Variants in STK32B observed in about 807,000 individuals in gnomAD.
The protein encoded by STK32B is serine/threonine kinase 32B.
STK32B carries 43 observed loss-of-function variants against 52.6 expected under a neutral mutation model. That is an observed-to-expected ratio of 0.82 (90% CI 0.64 to 1.05). The LOEUF (loss-of-function observed/expected upper bound fraction) is 1.05, where lower values mean the gene tolerates loss of function less well. STK32B is among the 50% of genes least tolerant of loss of function. The pLI, the probability that STK32B is intolerant of heterozygous loss-of-function variation, is 0.00. For missense variants in STK32B, 621 were observed against 534.6 expected, an observed-to-expected ratio of 1.16 and a Z score of -1.59; for synonymous variants, 238 against 204.3, an observed-to-expected ratio of 1.17 and a Z score of -1.41.
intron 3 of STK32B, among the ~76,000 whole-genome samples, chr4:5,198,802 A>G (rs1444719151): frequency 1.3e-5 from 2 of 152,166 alleles, no homozygotes; most frequent in East Asian, 1.9e-4. Flanking sequence ...TTGTGTCCTC[A>G]TGTCACATTT....
chr4:5,295,183 T>C (rs755221267), intron 3 of STK32B, among the ~76,000 whole-genome samples: 1 of 152,216 alleles, frequency 6.6e-6, no homozygotes, highest in African/African-American at 2.4e-5. Flanking sequence ...TGCCAGTATT[T>C]TATTGAGGAT....
rs754086794 is a variant in STK32B, at chr4:5,394,071, G to A, written c.435-4136G>A. 1.7e-4 allele frequency among the ~76,000 whole-genome samples: 26 copies of A among 152,226 alleles called. No homozygotes were observed. Among genetic ancestry groups the A allele is most frequent in the Non-Finnish European group, 3.4e-4 (23 of 68,034 alleles). On this transcript the variant is annotated intron_variant, in intron 4 of 11. Coordinates refer to ENST00000282908, the MANE Select transcript of STK32B (RefSeq NM_018401.3). The surrounding 1 kb of genome is among the most constrained non-coding windows in gnomAD (Gnocchi z 4.2). ...AGAAGCCCCCTGCCAAAAGACACAT[G>A]CAGAAACATCCTGGTGGCCCTGCTT...
intron 1 of STK32B, among the ~76,000 whole-genome samples, chr4:5,073,280 C>G (rs1391559415): frequency 6.6e-6 from 1 of 151,816 alleles, no homozygotes; most frequent in Non-Finnish European, 1.5e-5. Context: ...TTTAAAAATT[C>G]TATCACAACT....
intron 1 of STK32B, among the ~76,000 whole-genome samples, chr4:5,124,120 C>T (rs1372650038): frequency 2.0e-5 from 3 of 152,280 alleles, no homozygotes; most frequent in African/African-American, 7.2e-5. Flanking sequence ...TGTCAGCATC[C>T]TCCCAGTTTG....
chr4:5,128,590 G>A (rs62290469), intron 1 of STK32B, among the ~76,000 whole-genome samples: 1 of 152,328 alleles, frequency 6.6e-6, no homozygotes, highest in East Asian at 1.9e-4. Context: ...CAACTAGAAA[G>A]CAAAGCAGTT....
intron 3 of STK32B, among the ~76,000 whole-genome samples, chr4:5,221,460 G>A (rs1723533775): frequency 6.6e-6 from 1 of 152,150 alleles, no homozygotes; most frequent in African/African-American, 2.4e-5. Flanking sequence ...TGTTTGCTGG[G>A]ATGGATAATA....
intron 11 of STK32B, among the ~76,000 whole-genome samples, chr4:5,480,570 G>A (rs571619895): frequency 2.0e-5 from 3 of 152,148 alleles, no homozygotes; most frequent in Non-Finnish European, 2.9e-5. Context: ...AAAGGATTGT[G>A]GAGACCACGT....
In STK32B at chr4:5,335,622, A is replaced by G. The variant is rs975564884; in HGVS notation, c.434+4229A>G. ...CTTTCTCTTGTGGGCATTTAGTGCT[A>G]TAAATTTCCCTCTACGCACTGCTTT... On this transcript the variant is annotated intron_variant, in intron 4 of 11. Coordinates refer to ENST00000282908, the MANE Select transcript of STK32B (RefSeq NM_018401.3). Among the ~76,000 whole-genome samples, 9 of 152,054 alleles carry G rather than the reference A, an allele frequency of 5.9e-5. 1 individual carries two copies. The highest frequency in any genetic ancestry group is 8.8e-5 in the Non-Finnish European group (6 of 67,968).
At chr4:5,317,035 AAT>A (rs1553871429) in intron 3 of STK32B, among the ~76,000 whole-genome samples, 1 of 24,276 alleles carries the variant, frequency 4.1e-5, no homozygotes, top group Non-Finnish European at 5.9e-5. Context: ...TATATGATAT[AAT>A]ATATTATATA....
At chr4:5,462,041 G>A (rs1055678972) in intron 9 of STK32B, among the ~76,000 whole-genome samples, 1 of 152,124 alleles carries the variant, frequency 6.6e-6, no homozygotes, top group Non-Finnish European at 1.5e-5. Flanking sequence ...TTATTTTAGG[G>A]TTTCACTTGG....
intron 3 of STK32B, among the ~76,000 whole-genome samples, chr4:5,249,487 CT>C (rs1255080793): frequency 7.0e-5 from 10 of 142,108 alleles, no homozygotes; most frequent in South Asian, 4.4e-4. Context: ...TCCTTCCTTC[CT>C]TCCTTCCTTC....
intron 4 of STK32B, among the ~76,000 whole-genome samples, chr4:5,354,548 G>A (rs768783304): frequency 3.9e-5 from 6 of 152,328 alleles, no homozygotes; most frequent in Admixed American, 6.5e-5. Flanking sequence ...TTACAGGCGT[G>A]ACCACCACGC....
At chr4:5,166,678 AG>A (rs909053028) in intron 2 of STK32B, among the ~76,000 whole-genome samples, 2 of 151,810 alleles carry the variant, frequency 1.3e-5, no homozygotes, top group South Asian at 2.1e-4. Flanking sequence ...GAGCCTTCAG[AG>A]GGGGCAGGAC....
At chr4:5,188,876 T>C (rs1247404791) in intron 3 of STK32B, among the ~76,000 whole-genome samples, 1 of 92,944 alleles carries the variant, frequency 1.1e-5, no homozygotes, top group African/African-American at 4.3e-5. Context: ...GGTGGGGGGC[T>C]GGGGGAGGAA....
At chr4:5,464,115 G>C (rs763671300) in intron 9 of STK32B, among the ~76,000 whole-genome samples, 18 of 152,074 alleles carry the variant, frequency 1.2e-4, no homozygotes, top group Non-Finnish European at 2.2e-4. Flanking sequence ...GTGGGGGTGG[G>C]GGGTGCCACA....
intron 1 of STK32B, among the ~76,000 whole-genome samples, chr4:5,098,393 G>T (rs1190412159): frequency 2.0e-5 from 3 of 152,214 alleles, no homozygotes; most frequent in Non-Finnish European, 4.4e-5. Flanking sequence ...GGCTGAGATT[G>T]AAAGTTATTT....
At chr4:5,414,852 T>C (rs1712020918) in intron 5 of STK32B, among the ~76,000 whole-genome samples, 1 of 152,234 alleles carries the variant, frequency 6.6e-6, no homozygotes, top group Non-Finnish European at 1.5e-5. Context: ...CTTTCACTTA[T>C]TTTAATGAGC....
chr4:5,315,086 A>G (rs1302678200), intron 3 of STK32B, among the ~76,000 whole-genome samples: 2 of 152,162 alleles, frequency 1.3e-5, no homozygotes, highest in African/African-American at 4.8e-5. Flanking sequence ...TTGACAAAGG[A>G]CTTGTATCTA....
intron 3 of STK32B, among the ~76,000 whole-genome samples, chr4:5,318,579 A>G (rs1315509452): frequency 6.6e-6 from 1 of 152,142 alleles, no homozygotes; most frequent in Admixed American, 6.5e-5. Flanking sequence ...ATATTGGGAC[A>G]TCACTGCAGT....
Sources: gnomAD v4.1 joint callset for allele counts (sites outside exome capture counted in the v4.1 genomes callset) on GRCh38, gnomAD v4.1.1 for gene constraint, Gnocchi (gnomAD v3.1) non-coding constraint, MANE v1.5 for transcripts, NCBI Gene and HGNC (gene_info 2026-07-23, HGNC 2026-07-21) for gene names.